SERPINB7: variants seen among roughly 807,000 people sequenced by gnomAD.
SERPINB7 encodes serpin family B member 7, also known as serpin B7.
A neutral mutation model predicts 37.4 loss-of-function variants in SERPINB7; 31 were observed. The ratio of observed to expected loss-of-function variants is 0.83; its 90% CI spans 0.62 to 1.12. SERPINB7 has a LOEUF of 1.12. SERPINB7 is among the 50% of genes most tolerant of loss of function. The probability of loss-of-function intolerance (pLI) is 0.00; values close to 1 mark genes in which losing one functional copy is unlikely to be tolerated. For missense variants in SERPINB7, 521 were observed against 455.3 expected, an observed-to-expected ratio of 1.14 and a Z score of -1.31; for synonymous variants, 163 against 166.1, an observed-to-expected ratio of 0.98 and a Z score of 0.14.
chr18:63,798,801 G>T, intron 6 of SERPINB7, 55 bp downstream of exon 6: 1 of 1,556,452 alleles, frequency 6.4e-7, no homozygotes. Context: ...GTATTCCTTT[G>T]CAGGACTGTG....
chr18:63,791,841 AC>A (rs990579645), intron 2 of SERPINB7, among the ~76,000 whole-genome samples: 16 of 151,992 alleles, frequency 1.1e-4, no homozygotes, highest in Admixed American at 4.6e-4. Flanking sequence ...CGATCTCCTG[AC>A]CTCGTGATCT....
At chr18:63,798,470 T>C (rs2049511089) in intron 5 of SERPINB7, 134 bp from the exon 6 acceptor site, 4 of 665,088 alleles carry the variant, frequency 6.0e-6, no homozygotes, top group African/African-American at 5.5e-5. Context: ...TAATTGCTCA[T>C]AGGTTATTCT....
chr18:63,796,654 A>T (rs1388419451), intron 5 of SERPINB7, among the ~76,000 whole-genome samples: 1 of 152,190 alleles, frequency 6.6e-6, no homozygotes, highest in Non-Finnish European at 1.5e-5. Flanking sequence ...TATTATTGTG[A>T]CCACTTCATA....
At chr18:63,786,291 AGTTTGGATTACAC>A (rs1316840393) in intron 2 of SERPINB7, among the ~76,000 whole-genome samples, 5 of 84,358 alleles carry the variant, frequency 5.9e-5, no homozygotes, top group Non-Finnish European at 9.8e-5. Context: ...TATTATATAT[AGTTTGGATTACAC>A]GTTTGGATTA....
At chr18:63,791,873 GT>G (rs1344698745) in intron 2 of SERPINB7, among the ~76,000 whole-genome samples, 3 of 152,152 alleles carry the variant, frequency 2.0e-5, no homozygotes, top group Non-Finnish European at 4.4e-5. Context: ...GCCTCCCAAA[GT>G]GCTGAGATTA....
At chr18:63,755,600 G>A (rs937861743) in intron 1 of SERPINB7, among the ~76,000 whole-genome samples, 1 of 152,100 alleles carries the variant, frequency 6.6e-6, no homozygotes, top group African/African-American at 2.4e-5. Flanking sequence ...AATATTTTAA[G>A]TCCCTATTTA....
At chr18:63,766,445 T>C (rs1009477837) in intron 1 of SERPINB7, among the ~76,000 whole-genome samples, 9 of 152,190 alleles carry the variant, frequency 5.9e-5, no homozygotes, top group African/African-American at 1.7e-4. Flanking sequence ...TATATACCCA[T>C]GGCCTACATT....
chr18:63,767,391 G>A (rs1456724738), intron 1 of SERPINB7, among the ~76,000 whole-genome samples: 1 of 152,070 alleles, frequency 6.6e-6, no homozygotes. Flanking sequence ...TGTCTTGATT[G>A]TATTTAGAAT....
At chr18:63,772,970 A>T (rs2049219905), upstream of SERPINB7, among the ~76,000 whole-genome samples, 1 of 152,150 alleles carries the variant, frequency 6.6e-6, no homozygotes, top group African/African-American at 2.4e-5. Context: ...ATTCATGTCA[A>T]AAGTAAAAGA....
At position 63,796,317 on chromosome 18, in the gene SERPINB7, G is replaced by A. The variant is rs201239910; in HGVS notation, c.388G>A (p.Asp130Asn). The A allele has an allele frequency of 2.6e-5, 42 of 1,613,378 alleles. No homozygotes were observed. The African/African-American group carries it at 5.1e-4, about 19-fold the overall frequency. ...ATACGATGCCAAAGTGGAGCGAGTT[G>A]ACTTTACGAATCATTTAGAAGACAC... ...KLYDAKVERV[D>N]FTNHLEDTRR... Residue 130 changes from aspartate to asparagine, a missense_variant, in exon 5 of 8, where the codon GAC becomes AAC. Physicochemically the swap from Asp to Asn is conservative, Grantham distance 23. Transcript: ENST00000398019.
intron 1 of SERPINB7, among the ~76,000 whole-genome samples, chr18:63,768,021 C>T (rs990386413): frequency 1.3e-5 from 2 of 152,038 alleles, no homozygotes; most frequent in East Asian, 1.9e-4. Context: ...CTGAAGGTCT[C>T]TTCCCTTCCT....
chr18:63,797,824 GC>G (rs1466238428), intron 5 of SERPINB7, among the ~76,000 whole-genome samples: 1 of 152,060 alleles, frequency 6.6e-6, no homozygotes, highest in Non-Finnish European at 1.5e-5. Flanking sequence ...TCATTATCAG[GC>G]CCTTGCTTCC....
At chr18:63,781,593 G>A (rs1230709306) in intron 1 of SERPINB7, among the ~76,000 whole-genome samples, 2 of 152,172 alleles carry the variant, frequency 1.3e-5, no homozygotes, top group African/African-American at 4.8e-5. Flanking sequence ...TTACCCAAGT[G>A]GATCCCTGAA....
chr18:63,775,530 A>G lies in SERPINB7; in HGVS notation c.-205A>G, dbSNP rs2049238968. 6.6e-6 allele frequency: 1 copy of G among 152,196 alleles called. No homozygotes were observed. The highest frequency in any genetic ancestry group is 2.4e-5 in the African/African-American group (1 of 41,450). The allele number at this position is 152,196 out of a possible 1,614,324, so 9.4% of individuals were successfully genotyped here. On this transcript the variant is annotated 5_prime_UTR_variant, in exon 1 of 8. Transcript: ENST00000398019. Reference sequence around the variant, plus strand: ...TGTCTAGAAATGCTGACTTTGGTTCATTAGGTAGTGGTAAAACAGGCTCCC... The same window carrying G: ...TGTCTAGAAATGCTGACTTTGGTTCGTTAGGTAGTGGTAAAACAGGCTCCC...
intron 1 of SERPINB7, among the ~76,000 whole-genome samples, chr18:63,755,594 T>C (rs926416603): frequency 8.5e-5 from 13 of 152,138 alleles, no homozygotes; most frequent in African/African-American, 1.4e-4. Context: ...TTGAAGAATA[T>C]TTTAAGTCCC....
chr18:63,779,808 A>G (rs2049284438), intron 1 of SERPINB7, among the ~76,000 whole-genome samples: 1 of 152,142 alleles, frequency 6.6e-6, no homozygotes, highest in Non-Finnish European at 1.5e-5. Flanking sequence ...GAAAATGAAA[A>G]TTTGTGATTG....
intron 7 of SERPINB7, 32 bp downstream of exon 7, chr18:63,801,044 A>G: frequency 6.2e-7 from 1 of 1,606,204 alleles, no homozygotes; most frequent in Non-Finnish European, 8.5e-7. Context: ...CACTATTGGG[A>G]AATAAGACTT....
intron 2 of SERPINB7, among the ~76,000 whole-genome samples, chr18:63,788,999 A>G (rs1423284637): frequency 6.6e-6 from 1 of 152,230 alleles, no homozygotes; most frequent in Non-Finnish European, 1.5e-5. Flanking sequence ...TAAGTGATGC[A>G]TGATTGTAAT....
intron 1 of SERPINB7, among the ~76,000 whole-genome samples, chr18:63,779,437 C>A (rs538492731): frequency 6.6e-6 from 1 of 152,114 alleles, no homozygotes; most frequent in South Asian, 2.1e-4. Context: ...AAACAGTGCA[C>A]CTGCATAGAG....
Sources: gnomAD v4.1 joint callset for allele counts (sites outside exome capture counted in the v4.1 genomes callset) on GRCh38, gnomAD v4.1.1 for gene constraint, MANE v1.5 for transcripts, NCBI Gene and HGNC (gene_info 2026-07-23, HGNC 2026-07-21) for gene names.